LTBP1: variants seen among roughly 807,000 people sequenced by gnomAD.
LTBP1 encodes latent transforming growth factor beta binding protein 1.
A neutral mutation model predicts 207.6 loss-of-function variants in LTBP1; 129 were observed. That is an observed-to-expected ratio of 0.62 (90% CI 0.54 to 0.72). LTBP1 has a LOEUF of 0.72. Ranked by LOEUF, LTBP1 falls within the 30% of genes least tolerant of loss-of-function variation. The pLI is 0.00. For missense variants in LTBP1, 2,281 were observed against 2,217.2 expected, an observed-to-expected ratio of 1.03 and a Z score of -0.58; for synonymous variants, 963 against 833.7, an observed-to-expected ratio of 1.16 and a Z score of -2.67.
At chr2:33,209,530 G>A (rs946523536) in intron 7 of LTBP1, among the ~76,000 whole-genome samples, 1 of 152,196 alleles carries the variant, frequency 6.6e-6, no homozygotes, top group African/African-American at 2.4e-5. Flanking sequence ...CTTAAGCAGA[G>A]TTAAAATGAA....
At chr2:32,983,644 G>A (rs1351361583) in intron 2 of LTBP1, among the ~76,000 whole-genome samples, 1 of 152,182 alleles carries the variant, frequency 6.6e-6, no homozygotes, top group Non-Finnish European at 1.5e-5. Flanking sequence ...GGATTTTCCT[G>A]TGCTGTTCTC....
chr2:33,344,051 TTTGCCA>T (rs1297647260), intron 25 of LTBP1, among the ~76,000 whole-genome samples: 2 of 152,238 alleles, frequency 1.3e-5, no homozygotes, highest in Non-Finnish European at 2.9e-5. Context: ...CATTAGTTCA[TTTGCCA>T]TCCATATTAA....
intron 24 of LTBP1, among the ~76,000 whole-genome samples, chr2:33,330,531 T>C (rs1313838946): frequency 6.6e-6 from 1 of 151,746 alleles, no homozygotes; most frequent in Non-Finnish European, 1.5e-5. Flanking sequence ...AGTTCCCTTA[T>C]ATATCTAGTT....
rs566493696 is a variant in LTBP1, at chr2:33,199,366, G to A, written c.1701+10515G>A. Among the ~76,000 whole-genome samples the A allele has an allele frequency of 2.2e-4, 34 of 152,274 alleles. No individual in the cohort carries two copies. The South Asian group carries it at 6.4e-3, about 29-fold the overall frequency. On this transcript the variant is annotated intron_variant, in intron 7 of 33. Coordinates refer to ENST00000404816, the MANE Select transcript of LTBP1 (RefSeq NM_206943.4). ...GGTGTGGTGTGGTGCTGAAAAAAATGTATATTCTGTTGATTTGGGGTGGAG... is the reference window on the plus strand; with the variant it reads ...GGTGTGGTGTGGTGCTGAAAAAAATATATATTCTGTTGATTTGGGGTGGAG...
intron 2 of LTBP1, among the ~76,000 whole-genome samples, chr2:32,974,839 A>G (rs1266624499): frequency 6.6e-6 from 1 of 152,112 alleles, no homozygotes; most frequent in African/African-American, 2.4e-5. Flanking sequence ...CCGACTTCGT[A>G]CTCTGTGCCT....
At chr2:33,343,712 AGTCT>A (rs1448404428) in intron 25 of LTBP1, among the ~76,000 whole-genome samples, 8 of 152,218 alleles carry the variant, frequency 5.3e-5, no homozygotes, top group Admixed American at 3.9e-4. Flanking sequence ...GTATTTCCTC[AGTCT>A]GTTCCGGGAT....
At chr2:33,245,125 C>T (rs1322462727) in intron 10 of LTBP1, among the ~76,000 whole-genome samples, 1 of 152,146 alleles carries the variant, frequency 6.6e-6, no homozygotes, top group Non-Finnish European at 1.5e-5. Context: ...GGTGATCCAC[C>T]CGCCTCAGCC....
chr2:33,067,518 C>T (rs2077573278), intron 3 of LTBP1, among the ~76,000 whole-genome samples: 1 of 152,222 alleles, frequency 6.6e-6, no homozygotes, highest in Non-Finnish European at 1.5e-5. Flanking sequence ...AGTTCTGCAT[C>T]TGTTTTTAAC....
At chr2:33,219,326 G>T (rs977635648) in intron 8 of LTBP1, among the ~76,000 whole-genome samples, 1 of 152,166 alleles carries the variant, frequency 6.6e-6, no homozygotes, top group African/African-American at 2.4e-5. Flanking sequence ...GGTTGAGTGT[G>T]ATGGTTCATC....
chr2:33,139,004 G>T (rs374287558), intron 5 of LTBP1, among the ~76,000 whole-genome samples: 7 of 150,396 alleles, frequency 4.7e-5, no homozygotes, highest in Admixed American at 6.6e-5. Flanking sequence ...GACTACAGGC[G>T]CCCGCTACCA....
chr2:33,201,894 G>T (rs1419086266), intron 7 of LTBP1, among the ~76,000 whole-genome samples: 6 of 152,274 alleles, frequency 3.9e-5, no homozygotes, highest in Non-Finnish European at 7.4e-5. Flanking sequence ...AGTTGTTCCA[G>T]CAGTTCTGTT....
At chr2:33,272,540 A>T (rs1446356219) in intron 15 of LTBP1, among the ~76,000 whole-genome samples, 1 of 152,250 alleles carries the variant, frequency 6.6e-6, no homozygotes, top group Non-Finnish European at 1.5e-5. Flanking sequence ...GGTAACTTTT[A>T]TTGAGCACAT....
chr2:33,283,878 C>T (rs887689501), intron 19 of LTBP1, among the ~76,000 whole-genome samples: 1 of 152,136 alleles, frequency 6.6e-6, no homozygotes, highest in Non-Finnish European at 1.5e-5. Flanking sequence ...TTCTAACTCT[C>T]CTCTCACTGA....
chr2:32,949,000 T>C, intron 2 of LTBP1, 55 bp downstream of exon 2: 2 of 1,558,566 alleles, frequency 1.3e-6, no homozygotes, highest in Non-Finnish European at 1.8e-6. Context: ...GGGGGAGGTG[T>C]CCACATGGGG....
chr2:33,222,734 G>A (rs2091195279), intron 9 of LTBP1, among the ~76,000 whole-genome samples: 1 of 152,194 alleles, frequency 6.6e-6, no homozygotes, highest in African/African-American at 2.4e-5. Context: ...GTCTGGTACA[G>A]TGTCTACTTT....
intron 24 of LTBP1, 111 bp from the exon 25 acceptor site, chr2:33,342,727 C>G: frequency 1.0e-6 from 1 of 959,392 alleles, no homozygotes; most frequent in Non-Finnish European, 1.5e-6. Flanking sequence ...ATGTTCATCT[C>G]ATCATCACAC....
At chr2:33,092,448 G>A (rs908800079) in intron 3 of LTBP1, among the ~76,000 whole-genome samples, 3 of 152,180 alleles carry the variant, frequency 2.0e-5, no homozygotes, top group African/African-American at 7.2e-5. Flanking sequence ...AAGCAAAAAA[G>A]GAAGGTTTAG....
At chr2:33,185,422 A>G (rs965158641) in intron 5 of LTBP1, among the ~76,000 whole-genome samples, 1 of 152,240 alleles carries the variant, frequency 6.6e-6, no homozygotes, top group African/African-American at 2.4e-5. Flanking sequence ...GGTGACACAT[A>G]GTTGTAGACA....
chr2:33,122,698 G>C (rs2081207221), intron 4 of LTBP1, among the ~76,000 whole-genome samples: 1 of 152,214 alleles, frequency 6.6e-6, no homozygotes, highest in African/African-American at 2.4e-5. Context: ...TTCTGAAGGG[G>C]AGTAGGGATG....
Sources: allele counts gnomAD v4.1 joint callset (sites outside exome capture counted in the v4.1 genomes callset), GRCh38; gene constraint gnomAD v4.1.1; transcripts MANE v1.5; gene names NCBI Gene and HGNC (gene_info 2026-07-23, HGNC 2026-07-21).